POU2F2: variants seen among roughly 807,000 people sequenced by gnomAD.
POU2F2 encodes POU domain, class 2, transcription factor 2.
POU2F2 carries 14 observed loss-of-function variants against 63.5 expected under a neutral mutation model. The ratio of observed to expected loss-of-function variants is 0.22; its 90% CI spans 0.15 to 0.34. The LOEUF (loss-of-function observed/expected upper bound fraction) is 0.34, where lower values mean the gene tolerates loss of function less well. POU2F2 is among the 10% of genes least tolerant of loss of function. The pLI, the probability that POU2F2 is intolerant of heterozygous loss-of-function variation, is 1.00. For missense variants in POU2F2, 607 were observed against 815.2 expected (o/e 0.74, Z 3.11); for synonymous variants, 306 against 348.6 (o/e 0.88, Z 1.36).
chr19:42,096,048 C>A lies in POU2F2; in HGVS notation c.729+34G>T, dbSNP rs201185373. On this transcript the variant is annotated intron_variant, in intron 8 of 14. Coordinates refer to ENST00000692977, the MANE Select transcript of POU2F2 (RefSeq NM_001394376.1). This position sits in a 1 kb window ranked among gnomAD's most constrained non-coding sequence, Gnocchi z 4.1. Reference sequence around the variant, plus strand: ...CATCTATCAACTGGCCACGCCCCCACGCCCACCGCCCAGCCTGCAAGGTGC... The same window carrying A: ...CATCTATCAACTGGCCACGCCCCCAAGCCCACCGCCCAGCCTGCAAGGTGC... The A allele has an allele frequency of 1.9e-6, 3 of 1,610,426 alleles. No homozygotes were observed. Among genetic ancestry groups the A allele is most frequent in the Admixed American group, 1.7e-5 (1 of 59,418 alleles).
intron 1 of POU2F2, among the ~76,000 whole-genome samples, chr19:42,174,564 A>G (rs956200794): frequency 1.3e-5 from 2 of 151,686 alleles, no homozygotes; most frequent in African/African-American, 4.8e-5. Context: ...GACCCCCAGT[A>G]CCCAACCCCC....
At position 42,086,601 on chromosome 19, in the gene POU2F2, G is replaced by A. The variant is rs972282157; in HGVS notation, c.*4656C>T. ...GGTGATGGTGGAAGCAGTGGGACAAGAGGCCAGAAAGGAGTTGAAAGTTCA... is the reference window on the plus strand; with the variant it reads ...GGTGATGGTGGAAGCAGTGGGACAAAAGGCCAGAAAGGAGTTGAAAGTTCA... On this transcript the variant is annotated 3_prime_UTR_variant, in exon 15 of 15. Transcript: ENST00000692977. The A allele has an allele frequency of 3.3e-5, 5 of 152,314 alleles. No individual in the cohort carries two copies. The highest frequency in any genetic ancestry group is 1.2e-4 in the African/African-American group (5 of 41,450). 9.4% of individuals were successfully genotyped at this position (152,314 alleles called of 1,614,324 possible). A position where few individuals can be genotyped will look rare whatever the true frequency, so the allele number is the denominator to read the frequency against.
At chr19:42,154,084 C>CCA (rs1315852983) in intron 2 of POU2F2, among the ~76,000 whole-genome samples, 1 of 151,492 alleles carries the variant, frequency 6.6e-6, no homozygotes, top group Non-Finnish European at 1.5e-5. Flanking sequence ...CCAACCCCCC[C>CCA]AGCGCCACCC....
chr19:42,190,900 G>T (rs1783375635), intron 1 of POU2F2, among the ~76,000 whole-genome samples: 2 of 151,916 alleles, frequency 1.3e-5, no homozygotes, highest in South Asian at 4.2e-4. Flanking sequence ...GCATAGGTCT[G>T]GTTAAGTGTG....
chr19:42,125,421 C>T (rs770832330), intron 1 of POU2F2, among the ~76,000 whole-genome samples: 91 of 151,438 alleles, frequency 6.0e-4, no homozygotes, highest in African/African-American at 1.1e-3. Flanking sequence ...GTGCCCAGGA[C>T]GCTACCAGAG....
chr19:42,150,291 G>T (rs560809345), intron 2 of POU2F2, among the ~76,000 whole-genome samples: 1 of 151,968 alleles, frequency 6.6e-6, no homozygotes, highest in Admixed American at 6.6e-5. Context: ...GCCTAGATGG[G>T]GGGTGGAAGG....
intron 1 of POU2F2, among the ~76,000 whole-genome samples, chr19:42,124,921 G>A (rs1353825868): frequency 6.6e-6 from 1 of 152,206 alleles, no homozygotes; most frequent in African/African-American, 2.4e-5. Context: ...GACTGGGAAA[G>A]GGCATGAGGA....
At chr19:42,125,382 A>T (rs2033100635) in intron 1 of POU2F2, among the ~76,000 whole-genome samples, 1 of 68,696 alleles carries the variant, frequency 1.5e-5, no homozygotes. Context: ...AAAAAGATGT[A>T]GACTGTTGAG....
At chr19:42,093,007 ATAT>A (rs535085939) in intron 12 of POU2F2, among the ~76,000 whole-genome samples, 1,587 of 62,226 alleles carry the variant, frequency 0.026, 12 homozygotes, top group African/African-American at 0.061. Context: ...ATATATATAT[ATAT>A]TTTTTTTTTT....
Position 42,169,695 on chromosome 19 carries a change from C to T in POU2F2, c.-70+6268G>A, listed in dbSNP as rs771422622. On this transcript the variant is annotated intron_variant, in intron 1 of 6. Transcript: ENST00000524801. This position sits in a 1 kb window ranked among gnomAD's most constrained non-coding sequence, Gnocchi z 4.3. ...TATTTCAGTATTTGCCTTGTGCATC[C>T]GTTCAAGACTTACGTGGCCTCTCTA... Among the ~76,000 whole-genome samples, 2 of 152,110 alleles carry T rather than the reference C, an allele frequency of 1.3e-5. No homozygotes were observed. Among genetic ancestry groups the T allele is most frequent in the African/African-American group, 4.8e-5 (2 of 41,412 alleles).
chr19:42,091,108 TTTTG>T lies in POU2F2; in HGVS notation c.*145_*148del. 2 of 586,516 alleles carry T rather than the reference TTTTG, an allele frequency of 3.4e-6. No individual in the cohort carries two copies. The highest frequency in any genetic ancestry group is 4.7e-5 in the South Asian group (1 of 21,376). The allele number at this position is 586,516 out of a possible 1,614,324, so 36.3% of individuals were successfully genotyped here. Reference sequence around the variant, plus strand: ...TAGTTTCTTTCCTTTTTTTTTTTTTTTTTGGTTGGTTGTTTTTTTGGTCTTTCCT... The same window carrying T: ...TAGTTTCTTTCCTTTTTTTTTTTTTTGTTGGTTGTTTTTTTGGTCTTTCCT... On this transcript the variant is annotated 3_prime_UTR_variant, in exon 15 of 15. Coordinates refer to ENST00000692977, the MANE Select transcript of POU2F2 (RefSeq NM_001394376.1).
At position 42,096,368 on chromosome 19, in the gene POU2F2, C is replaced by G. The variant is rs2076922241; in HGVS notation, c.568-125G>C. The G allele has an allele frequency of 7.1e-6, 7 of 980,292 alleles. No individual in the cohort carries two copies. The highest frequency in any genetic ancestry group is 1.7e-5 in the South Asian group (1 of 59,096). 60.7% of individuals were successfully genotyped at this position (980,292 alleles called of 1,614,324 possible). A position where few individuals can be genotyped will look rare whatever the true frequency, so the allele number is the denominator to read the frequency against. On this transcript the variant is annotated intron_variant, in intron 7 of 14. Transcript: ENST00000692977. The surrounding 1 kb of genome is among the most constrained non-coding windows in gnomAD (Gnocchi z 4.1). ...TCCATCCGCCGCCTGCAGACTCCCC[C>G]CGCCTTCCTCCACAAGCACCGTCAA...
intron 1 of POU2F2, 95 bp from the exon 2 acceptor site, chr19:42,122,671 C>T (rs2032784627): frequency 2.5e-6 from 3 of 1,181,196 alleles, no homozygotes; most frequent in African/African-American, 3.1e-5. Flanking sequence ...GCCTTTCCCC[C>T]AAATTCCCCC....
Position 42,089,297 on chromosome 19 carries a change from G to A in POU2F2, c.*1960C>T, listed in dbSNP as rs1217299794. 1 of 152,504 alleles carries A rather than the reference G, an allele frequency of 6.6e-6. No homozygotes were observed. Among genetic ancestry groups the A allele is most frequent in the Non-Finnish European group, 1.5e-5 (1 of 68,020 alleles). The allele number at this position is 152,504 out of a possible 1,614,324, so 9.4% of individuals were successfully genotyped here. A position where few individuals can be genotyped will look rare whatever the true frequency, so the allele number is the denominator to read the frequency against. The stretch of plus-strand genomic sequence containing the variant: ...AGAGAGGAAGGAGGGGAGGAGAGAG[G>A]TCAGACAAAAGAGAACCGAAAAAGA... On this transcript the variant is annotated 3_prime_UTR_variant, in exon 15 of 15. Coordinates refer to ENST00000692977, the MANE Select transcript of POU2F2 (RefSeq NM_001394376.1).
upstream of POU2F2, among the ~76,000 whole-genome samples, chr19:42,197,057 C>A (rs1371382368): frequency 1.3e-5 from 2 of 152,216 alleles, no homozygotes; most frequent in Non-Finnish European, 2.9e-5. Context: ...AAGGGAATGG[C>A]AGGTCCTAGA....
At chr19:42,123,594 A>C (rs2032896615) in intron 1 of POU2F2, among the ~76,000 whole-genome samples, 1 of 152,190 alleles carries the variant, frequency 6.6e-6, no homozygotes, top group African/African-American at 2.4e-5. Flanking sequence ...AAGCACAGCA[A>C]GACAGCAGAT....
At chr19:42,132,583 C>T (rs905477694), upstream of POU2F2, 25 of 516,310 alleles carry the variant, frequency 4.8e-5, no homozygotes, top group African/African-American at 5.0e-4. Context: ...CCCGGCCCAC[C>T]CCAAATCATG....
chr19:42,180,186 C>T (rs2034945177), upstream of POU2F2, among the ~76,000 whole-genome samples: 1 of 152,174 alleles, frequency 6.6e-6, no homozygotes, highest in Non-Finnish European at 1.5e-5. Context: ...TAAATGAATG[C>T]AGGAAGTACC....
In POU2F2 at chr19:42,122,138, G is replaced by T; in HGVS notation, c.174C>A (p.Gly58=). 6.2e-7 allele frequency: 1 copy of T among 1,613,436 alleles called. No homozygotes were observed. The highest frequency in any genetic ancestry group is 8.5e-7 in the Non-Finnish European group (1 of 1,179,442). Reference sequence around the variant, plus strand: ...GACAGGTGCTTACCTTTGTACTGGGGCCAGTTGGGGACACGGAGAATGGGG... The same window carrying T: ...GACAGGTGCTTACCTTTGTACTGGGTCCAGTTGGGGACACGGAGAATGGGG... ...KTSPFSVSPT[G]PSTKVGILSG... The change falls in exon 4 of 15, where the codon GGC becomes GGA. Residue 58 remains glycine (G), a synonymous_variant. Coordinates refer to ENST00000692977, the MANE Select transcript of POU2F2 (RefSeq NM_001394376.1).
Sources: gnomAD v4.1 joint callset for allele counts (sites outside exome capture counted in the v4.1 genomes callset) on GRCh38, gnomAD v4.1.1 for gene constraint, Gnocchi (gnomAD v3.1) non-coding constraint, MANE v1.5 for transcripts, NCBI Gene and HGNC (gene_info 2026-07-23, HGNC 2026-07-21) for gene names.